Variants in ZFR2 observed in about 807,000 individuals in gnomAD.
The protein encoded by ZFR2 is zinc finger RNA binding protein 2.
In ZFR2, 104 loss-of-function variants were observed where a neutral mutation model predicts 105.7. That is an observed-to-expected ratio of 0.98 (90% CI 0.84 to 1.16). The LOEUF is 1.16. ZFR2 is among the 50% of genes most tolerant of loss of function. The probability of loss-of-function intolerance (pLI) is 0.00; values close to 1 mark genes in which losing one functional copy is unlikely to be tolerated. For synonymous variants in ZFR2, 634 were observed against 597.7 expected, an observed-to-expected ratio of 1.06 and a Z score of -0.89; for missense variants, 1,425 against 1,355.5, an observed-to-expected ratio of 1.05 and a Z score of -0.80.
In ZFR2 at chr19:3,813,681, G is replaced by T; in HGVS notation, c.2242+139C>A. The T allele has an allele frequency of 1.6e-6, 2 of 1,249,712 alleles. No individual in the cohort carries two copies. Among genetic ancestry groups the T allele is most frequent in the South Asian group, 1.4e-5 (1 of 69,140 alleles). The allele number at this position is 1,249,712 out of a possible 1,614,324, so 77.4% of individuals were successfully genotyped here. On this transcript the variant is annotated intron_variant, in intron 14 of 18. Coordinates refer to ENST00000262961, the MANE Select transcript of ZFR2 (RefSeq NM_015174.2). The surrounding 1 kb of genome is among the most constrained non-coding windows in gnomAD (Gnocchi z 4.4). ...TTGTGTGACCCATGGAATCCTCAGG[G>T]GGACAGCAGTGCTGGAGCGTGGCTG... is the stretch of plus-strand genomic sequence containing the variant.
chr19:3,856,699 GCAGGAGCTTACGATGTAGCC>G (rs2038305858), intron 1 of ZFR2, among the ~76,000 whole-genome samples: 1 of 152,168 alleles, frequency 6.6e-6, no homozygotes, highest in Non-Finnish European at 1.5e-5. Context: ...CCAGCATGTG[GCAGGAGCTTACGATGTAGCC>G]CAGGGTAGCC....
rs1049146432 is a variant in ZFR2, at chr19:3,831,395, G to C, written c.760C>G (p.Leu254Val). 7.7e-6 allele frequency: 12 copies of C among 1,556,472 alleles called. No homozygotes were observed. Among genetic ancestry groups the C allele is most frequent in the Non-Finnish European group, 1.0e-5 (12 of 1,152,162 alleles). ...TTGGGTCTCGGCAGCTTGCTGGGAA[G>C]CGGTGGCTTCGAGTCGGCCCTGGGG... ...SSPRADSKPPLPSKLPRPKAG... is the reference protein window; with the variant it reads ...SSPRADSKPPVPSKLPRPKAG... The change falls in exon 5 of 19, where the codon CTT becomes GTT. Residue 254 changes from leucine (L) to valine (V), a missense_variant. Transcript: ENST00000262961.
At chr19:3,835,893 C>G (rs1599240286) in intron 1 of ZFR2, among the ~76,000 whole-genome samples, 1 of 144,982 alleles carries the variant, frequency 6.9e-6, no homozygotes. Flanking sequence ...GTAGAGGCTG[C>G]AGTGAGCTAT....
chr19:3,841,864 G>A (rs1234871618), intron 1 of ZFR2, among the ~76,000 whole-genome samples: 1 of 151,830 alleles, frequency 6.6e-6, no homozygotes, highest in Non-Finnish European at 1.5e-5. Context: ...TTGGCTCACT[G>A]CAACCTCCAC....
chr19:3,807,959 C>A (rs1205618300), intron 17 of ZFR2, among the ~76,000 whole-genome samples: 1 of 140,214 alleles, frequency 7.1e-6, no homozygotes, highest in Non-Finnish European at 1.5e-5. Flanking sequence ...GCACTCATGT[C>A]TGTGTGTGCC....
At chr19:3,862,523 C>G (rs918374090) in intron 1 of ZFR2, among the ~76,000 whole-genome samples, 24 of 152,202 alleles carry the variant, frequency 1.6e-4, no homozygotes, top group African/African-American at 5.8e-4. Context: ...GTCTGGAACT[C>G]TTGACCTCAG....
intron 1 of ZFR2, among the ~76,000 whole-genome samples, chr19:3,837,521 C>T (rs759437814): frequency 2.4e-4 from 36 of 150,668 alleles, no homozygotes; most frequent in African/African-American, 7.1e-4. Flanking sequence ...CCGTGACACT[C>T]GATGAACACC....
In ZFR2 at chr19:3,813,173, G is replaced by A. The variant is rs946854121; in HGVS notation, c.2242+647C>T. Among the ~76,000 whole-genome samples the A allele has an allele frequency of 6.6e-6, 1 of 152,314 alleles. No homozygotes were observed. Among genetic ancestry groups the A allele is most frequent in the Non-Finnish European group, 1.5e-5 (1 of 68,030 alleles). On this transcript the variant is annotated intron_variant, in intron 14 of 18. Transcript: ENST00000262961. The surrounding 1 kb of genome is among the most constrained non-coding windows in gnomAD (Gnocchi z 4.4). ...TATGACCAAAAAAGATTACGAAGGG[G>A]GTAAAAGATGATAGGAGTTTGGAAA...
At position 3,819,265 on chromosome 19, in the gene ZFR2, T is replaced by A. The variant is rs116009944; in HGVS notation, c.1741-30A>T. 4,575 of 1,479,042 alleles carry A rather than the reference T, an allele frequency of 3.1e-3. 51 individuals are homozygous for A. The highest frequency in any genetic ancestry group is 0.03 in the East Asian group (1,272 of 41,800). The allele number at this position is 1,479,042 out of a possible 1,614,324, so 91.6% of individuals were successfully genotyped here. ...GGGGAGAGGCCGCACGTGTCAAGGG[T>A]GGTCTGTGGGGACCCTTGGGGAGTG... On this transcript the variant is annotated intron_variant, in intron 11 of 18. Transcript: ENST00000262961.
chr19:3,851,686 G>A (rs568470395), intron 1 of ZFR2: 11 of 152,300 alleles, frequency 7.2e-5, no homozygotes, highest in Non-Finnish European at 1.3e-4. Context: ...GGCCAAATGC[G>A]GCCTGCCTGT....
At chr19:3,853,003 G>A (rs748830632) in intron 1 of ZFR2, among the ~76,000 whole-genome samples, 3 of 152,194 alleles carry the variant, frequency 2.0e-5, no homozygotes, top group Non-Finnish European at 4.4e-5. Flanking sequence ...TGTTGGCCAG[G>A]TGCAGTGGCT....
At chr19:3,847,447 C>A (rs1203521126) in intron 1 of ZFR2, among the ~76,000 whole-genome samples, 1 of 152,032 alleles carries the variant, frequency 6.6e-6, no homozygotes, top group African/African-American at 2.4e-5. Flanking sequence ...TCACTTGAAC[C>A]CGGGAGGCAG....
chr19:3,827,274 T>C (rs1315821254), intron 6 of ZFR2, among the ~76,000 whole-genome samples, 197 bp downstream of exon 6: 1 of 152,036 alleles, frequency 6.6e-6, no homozygotes, highest in East Asian at 1.9e-4. Flanking sequence ...AAAACTAAAA[T>C]AAAATAACTG....
intron 1 of ZFR2, among the ~76,000 whole-genome samples, chr19:3,847,361 T>A (rs2038194440): frequency 6.6e-6 from 1 of 151,852 alleles, no homozygotes. Flanking sequence ...CCATCTCTAC[T>A]AAAAACACAA....
rs1194481156 is a variant in ZFR2, at chr19:3,833,755, T to C, written c.288A>G (p.Ser96=). 1.9e-6 allele frequency: 3 copies of C among 1,579,492 alleles called. No individual in the cohort carries two copies. The highest frequency in any genetic ancestry group is 3.6e-5 in the Admixed American group (2 of 54,932). The change falls in exon 3 of 19, where the codon TCA becomes TCG. Residue 96 remains serine, a synonymous_variant. Coordinates refer to ENST00000262961, the MANE Select transcript of ZFR2 (RefSeq NM_015174.2). ...TGTCCTCATAGCTCCTGGCAGCTGC[T>C]GACTGTCCGTAGCTGTAACTGTCCT... ...TYQDSYSYGQ[S]AAARSYEDRP... is the part of the protein sequence containing the mutation.
Position 3,834,038 on chromosome 19 carries a change from G to T in ZFR2, c.265-260C>A, listed in dbSNP as rs1338609093. ...AGAGTTCGACTGCAATTTACAAGAG[G>T]ACGCTTGGTGCGGCAGGAGAGGGCG... On this transcript the variant is annotated intron_variant, in intron 2 of 18. Transcript: ENST00000262961. This position sits in a 1 kb window ranked among gnomAD's most constrained non-coding sequence, Gnocchi z 5.3. Among the ~76,000 whole-genome samples the T allele has an allele frequency of 2.6e-5, 4 of 152,286 alleles. No individual in the cohort carries two copies. Among genetic ancestry groups the T allele is most frequent in the African/African-American group, 9.6e-5 (4 of 41,568 alleles).
intron 16 of ZFR2, 144 bp downstream of exon 16, chr19:3,810,606 G>T: frequency 1.5e-6 from 1 of 679,734 alleles, no homozygotes; most frequent in South Asian, 2.5e-5. Flanking sequence ...GGGGACCTCA[G>T]GGACTCCCAC....
intron 1 of ZFR2, chr19:3,852,716 C>A: frequency 1.6e-6 from 1 of 641,926 alleles, no homozygotes; most frequent in Non-Finnish European, 2.9e-6. Context: ...GTTTCAGGAG[C>A]TGAGCCAGCA....
intron 1 of ZFR2, among the ~76,000 whole-genome samples, chr19:3,842,941 A>G (rs1433235784): frequency 6.6e-6 from 1 of 152,056 alleles, no homozygotes; most frequent in African/African-American, 2.4e-5. Flanking sequence ...AGAACATTTC[A>G]TGACCCCACA....
Sources: allele counts gnomAD v4.1 joint callset (sites outside exome capture counted in the v4.1 genomes callset), GRCh38; gene constraint gnomAD v4.1.1; non-coding constraint Gnocchi (gnomAD v3.1); transcripts MANE v1.5; gene names NCBI Gene and HGNC (gene_info 2026-07-23, HGNC 2026-07-21).